SH3TC1: variants seen among roughly 807,000 people sequenced by gnomAD.
The protein encoded by SH3TC1 is SH3 domain and tetratricopeptide repeat-containing protein 1.
Under a neutral mutation model 117.3 loss-of-function variants are expected in SH3TC1, and 135 were observed. The observed-to-expected ratio is 1.15, with a 90% CI of 1.00 to 1.33. The LOEUF (loss-of-function observed/expected upper bound fraction) is 1.33, where lower values mean the gene tolerates loss of function less well. Among genes scored for constraint, SH3TC1 ranks in the 40% most tolerant of loss-of-function variants. SH3TC1 has a pLI of 0.00. For synonymous variants in SH3TC1, 898 were observed against 816.9 expected (o/e 1.10, Z -1.69); for missense variants, 2,092 against 1,794.3 (o/e 1.17, Z -3.00).
chr4:8,221,765 C>G (rs1296478701), intron 9 of SH3TC1, among the ~76,000 whole-genome samples: 1 of 152,204 alleles, frequency 6.6e-6, no homozygotes, highest in Non-Finnish European at 1.5e-5. Context: ...ACAGATCTTA[C>G]TCAGATTTTG....
chr4:8,232,077 T>C lies in SH3TC1; in HGVS notation c.3052T>C (p.Cys1018Arg), dbSNP rs765786906. 1.2e-5 allele frequency: 20 copies of C among 1,613,282 alleles called. No homozygotes were observed. The highest frequency in any genetic ancestry group is 2.7e-5 in the African/African-American group (2 of 74,846). The stretch of plus-strand genomic sequence containing the variant: ...CCATGAGCTCCAGCTCTCCCTGGCC[T>C]GCAAGGTGGCCGACAAGGTGCTGGA... ...IYHELQLSLA[C>R]KVADKVLEGQ... is the part of the protein sequence containing the mutation. The change falls in exon 13 of 18, where the codon TGC becomes CGC. Residue 1018 changes from cysteine to arginine, a missense_variant. Transcript: ENST00000245105.
rs754833972 is a variant in SH3TC1 at position 8,209,711 on chromosome 4, T to G, written c.173-37T>G. ...CCTTCAGAGGAGCCAGGCCTTTGCT[T>G]GGTCTCCCCTAATCCTGGGAACCTG... On this transcript the variant is annotated intron_variant, in intron 2 of 17. Coordinates refer to ENST00000245105, the MANE Select transcript of SH3TC1 (RefSeq NM_018986.5). This position sits in a 1 kb window ranked among gnomAD's most constrained non-coding sequence, Gnocchi z 5.9. The G allele has an allele frequency of 3.7e-6, 6 of 1,613,114 alleles. No homozygotes were observed. The highest frequency in any genetic ancestry group is 5.1e-6 in the Non-Finnish European group (6 of 1,179,810).
At position 8,227,496 on chromosome 4, in the gene SH3TC1, T is replaced by C. The variant is rs1004650878; in HGVS notation, c.1802T>C (p.Val601Ala). The change falls in exon 12 of 18, where the codon GTG (valine) becomes GCG (alanine). Residue 601 changes from valine to alanine, a missense_variant. By Grantham distance (64) the Val-to-Ala change is moderately conservative. Transcript: ENST00000245105. The part of the protein sequence containing the change: ...EGSFGDLFLV[V>A]AVYANLASIY... ...AGCTTCGGGGACCTGTTCCTAGTGG[T>C]GGCTGTGTACGCCAACCTGGCCAGC... The C allele has an allele frequency of 6.4e-7, 1 of 1,559,602 alleles. No individual in the cohort carries two copies. The highest frequency in any genetic ancestry group is 8.6e-7 in the Non-Finnish European group (1 of 1,158,296).
At chr4:8,215,613 G>A (rs540206634) in intron 5 of SH3TC1, among the ~76,000 whole-genome samples, 4 of 152,278 alleles carry the variant, frequency 2.6e-5, no homozygotes, top group Non-Finnish European at 4.4e-5. Context: ...CACGTGCACC[G>A]AGCCTCCTAG....
chr4:8,184,877 CA>C (rs1717177086), intron 1 of SH3TC1, among the ~76,000 whole-genome samples: 1 of 35,120 alleles, frequency 2.8e-5, no homozygotes, highest in Non-Finnish European at 9.1e-5. Context: ...TTGTCAATCT[CA>C]TGAGATTGTC....
rs1161439746 is a variant in SH3TC1 at position 8,212,770 on chromosome 4, T to G, written c.317T>G (p.Leu106Arg). ...CGGGACCCCGGCCTACAGCAGACCC[T>G]CCGGGGCCAGCTCCGCCTGCTGGAG... ...RLRDPGLQQT[L>R]RGQLRLLEND... The change falls in exon 4 of 18, where the codon CTC becomes CGC. Residue 106 changes from leucine to arginine, a missense_variant. Physicochemically the swap from Leu to Arg is moderately radical, Grantham distance 102 (BLOSUM62 -2). Coordinates refer to ENST00000245105, the MANE Select transcript of SH3TC1 (RefSeq NM_018986.5). 7 of 1,611,688 alleles carry G rather than the reference T, an allele frequency of 4.3e-6. No individual in the cohort carries two copies. The East Asian group carries it at 1.1e-4, about 26-fold the overall frequency.
Position 8,222,767 on chromosome 4 carries a change from T to C in SH3TC1, c.1113-73T>C, listed in dbSNP as rs76394454. The C allele has an allele frequency of 2.2e-3, 3,495 of 1,557,460 alleles. 43 individuals are homozygous for C. The highest frequency in any genetic ancestry group is 0.021 in the East Asian group (920 of 43,694). ...ACTATCTGTCTGTCAAATCAAGGAATGGAAATGTGCTTAGTGTGAAATGCT... is the reference window on the plus strand; with the variant it reads ...ACTATCTGTCTGTCAAATCAAGGAACGGAAATGTGCTTAGTGTGAAATGCT... On this transcript the variant is annotated intron_variant, in intron 9 of 17. Coordinates refer to ENST00000245105, the MANE Select transcript of SH3TC1 (RefSeq NM_018986.5).
At chr4:8,216,515 C>A (rs1484834509) in intron 6 of SH3TC1, among the ~76,000 whole-genome samples, 1 of 152,168 alleles carries the variant, frequency 6.6e-6, no homozygotes, top group Non-Finnish European at 1.5e-5. Flanking sequence ...AGTGCCAGTC[C>A]CCAGCTCGTG....
At chr4:8,218,092 T>C (rs1282389831) in intron 7 of SH3TC1, among the ~76,000 whole-genome samples, 179 bp from the exon 8 acceptor site, 1 of 151,950 alleles carries the variant, frequency 6.6e-6, no homozygotes, top group Admixed American at 6.5e-5. Context: ...GCACGGGGCC[T>C]GAAGGCCACA....
Position 8,227,098 on chromosome 4 carries a change from C to G in SH3TC1, c.1404C>G (p.Leu468=), listed in dbSNP as rs1215775909. ...GCPQEPASWG[L]CAASSDVSLQ... is the part of the protein sequence containing the mutation. The stretch of plus-strand genomic sequence containing the variant: ...CCCAGGAGCCAGCGTCCTGGGGTCT[C>G]TGTGCGGCATCCAGCGACGTGAGCT... Residue 468 remains leucine, a synonymous_variant, in exon 12 of 18, where the codon CTC becomes CTG. Transcript: ENST00000245105. 1.2e-6 allele frequency: 2 copies of G among 1,612,494 alleles called. No individual in the cohort carries two copies. Among genetic ancestry groups the G allele is most frequent in the Admixed American group, 3.3e-5 (2 of 59,862 alleles).
At chr4:8,232,437 A>G in intron 13 of SH3TC1, 3 of 1,525,596 alleles carry the variant, frequency 2.0e-6, no homozygotes, top group East Asian at 5.4e-5. Flanking sequence ...AAGCAGTTAC[A>G]TGCATTCTGG....
chr4:8,225,065 C>T lies in SH3TC1; in HGVS notation c.1244-110C>T, dbSNP rs1561703816. The T allele has an allele frequency of 9.8e-6, 13 of 1,328,816 alleles. 1 individual carries two copies. The highest frequency in any genetic ancestry group is 8.9e-5 in the South Asian group (7 of 78,688). 82.3% of individuals were successfully genotyped at this position (1,328,816 alleles called of 1,614,324 possible). ...CCCTGCAACATCTCAGCCCTCAATA[C>T]CTGCACCCAGCAATGCTCTCACCCT... On this transcript the variant is annotated intron_variant, in intron 10 of 17. Transcript: ENST00000245105. The surrounding 1 kb of genome is among the most constrained non-coding windows in gnomAD (Gnocchi z 5.5).
chr4:8,205,650 C>A lies in SH3TC1; in HGVS notation c.172+284C>A. On this transcript the variant is annotated intron_variant, in intron 2 of 17. Transcript: ENST00000245105. The surrounding 1 kb of genome is among the most constrained non-coding windows in gnomAD (Gnocchi z 5.4). The stretch of plus-strand genomic sequence containing the variant: ...GAACGAGGCAGGGGCCTTTGAACCC[C>A]CATGTTCAGAGACCGTTCCAGAAAC... 1.3e-6 allele frequency: 1 copy of A among 764,574 alleles called. No homozygotes were observed. The highest frequency in any genetic ancestry group is 2.3e-4 in the Middle Eastern group (1 of 4,440). The allele number at this position is 764,574 out of a possible 1,614,324, so 47.4% of individuals were successfully genotyped here.
At chr4:8,194,034 G>A (rs1346125977) in intron 1 of SH3TC1, among the ~76,000 whole-genome samples, 1 of 152,238 alleles carries the variant, frequency 6.6e-6, no homozygotes, top group Non-Finnish European at 1.5e-5. Context: ...AGAAGGCAGG[G>A]CCCCTGCTCC....
At position 8,237,480 on chromosome 4, in the gene SH3TC1, G is replaced by A. The variant is rs778320897; in HGVS notation, c.3563G>A (p.Arg1188Gln). Residue 1188 changes from arginine (R) to glutamine (Q), a missense_variant, in exon 17 of 18, where the codon CGG becomes CAG. Physicochemically the swap from Arg to Gln is conservative, Grantham distance 43. Coordinates refer to ENST00000245105, the MANE Select transcript of SH3TC1 (RefSeq NM_018986.5). ...ALALSITLGD[R>Q]LNERVAYHRL... The stretch of plus-strand genomic sequence containing the variant: ...CCCTTGGCCTGCACCCCAGGGGACC[G>A]GCTGAACGAGCGCGTGGCCTACCAC... 45 of 1,576,096 alleles carry A rather than the reference G, an allele frequency of 2.9e-5. No individual in the cohort carries two copies. The highest frequency in any genetic ancestry group is 3.5e-5 in the Admixed American group (2 of 56,852).
In SH3TC1 at chr4:8,192,637, G is replaced by A. The variant is rs1341361755; in HGVS notation, c.-57+10427G>A. On this transcript the variant is annotated intron_variant, in intron 1 of 16. Transcript: ENST00000508641. The surrounding 1 kb of genome is among the most constrained non-coding windows in gnomAD (Gnocchi z 4.1). Reference sequence around the variant, plus strand: ...GCCTCCTGAGTAGCTGGGATCACAGGCGTGTGCCACAACGCCCAGCTAATT... The same window carrying A: ...GCCTCCTGAGTAGCTGGGATCACAGACGTGTGCCACAACGCCCAGCTAATT... Among the ~76,000 whole-genome samples, 2 of 152,090 alleles carry A rather than the reference G, an allele frequency of 1.3e-5. No homozygotes were observed. The highest frequency in any genetic ancestry group is 4.8e-5 in the African/African-American group (2 of 41,416).
chr4:8,188,035 C>T (rs932110506), intron 1 of SH3TC1, among the ~76,000 whole-genome samples: 3 of 152,220 alleles, frequency 2.0e-5, no homozygotes, highest in Non-Finnish European at 1.5e-5. Flanking sequence ...GATCACACTT[C>T]GTTACTTCCT....
In SH3TC1 at chr4:8,209,610, G is replaced by A; in HGVS notation, c.173-138G>A. ...CTGGGCTCTGGGGAGACTGGAGGAA[G>A]GCAGCTGTGGGAAAGGCGGCTCGTG... On this transcript the variant is annotated intron_variant, in intron 2 of 17. Coordinates refer to ENST00000245105, the MANE Select transcript of SH3TC1 (RefSeq NM_018986.5). This position sits in a 1 kb window ranked among gnomAD's most constrained non-coding sequence, Gnocchi z 5.9. 1.3e-6 allele frequency: 2 copies of A among 1,537,202 alleles called. No homozygotes were observed. Among genetic ancestry groups the A allele is most frequent in the Non-Finnish European group, 1.7e-6 (2 of 1,145,482 alleles).
chr4:8,232,390 T>G, intron 13 of SH3TC1: 1 of 1,581,734 alleles, frequency 6.3e-7, no homozygotes, highest in African/African-American at 1.3e-5. Flanking sequence ...CCATCCCTGC[T>G]TGCACACCTC....
Sources: gnomAD v4.1 joint callset for allele counts (sites outside exome capture counted in the v4.1 genomes callset) on GRCh38, gnomAD v4.1.1 for gene constraint, Gnocchi (gnomAD v3.1) non-coding constraint, MANE v1.5 for transcripts, NCBI Gene and HGNC (gene_info 2026-07-23, HGNC 2026-07-21) for gene names.